Variants in RABL6 observed in about 807,000 individuals in gnomAD.
RABL6 encodes the protein RAB, member RAS oncogene family like 6, also known as rab-like protein 6.
In RABL6, 28 loss-of-function variants were observed where a neutral mutation model predicts 72.9. That is an observed-to-expected ratio of 0.38 (90% CI 0.28 to 0.53). RABL6 has a LOEUF of 0.53. Among genes scored for constraint, RABL6 ranks in the 20% least tolerant of loss-of-function variants. RABL6 has a pLI of 0.80. For missense variants in RABL6, 1,029 were observed against 1,008.4 expected, an observed-to-expected ratio of 1.02 and a Z score of -0.28; for synonymous variants, 477 against 421.2, an observed-to-expected ratio of 1.13 and a Z score of -1.62.
chr9:136,808,289 G>C lies in RABL6; in HGVS notation c.93G>C (p.Ala31=). The C allele has an allele frequency of 6.4e-7, 1 of 1,561,590 alleles. No homozygotes were observed. Among genetic ancestry groups the C allele is most frequent in the Non-Finnish European group, 8.7e-7 (1 of 1,155,606 alleles). ...IPAGLQSMNQ[A]LQRRFAKGVQ... The stretch of plus-strand genomic sequence containing the variant: ...CCGGGCTGCAGTCCATGAACCAGGC[G>C]TTGCAGAGGCGCTTCGCCAAGGGGG... The change falls in exon 1 of 15, where the codon GCG becomes GCC. Residue 31 remains alanine (A), a synonymous_variant. Coordinates refer to ENST00000311502, the MANE Select transcript of RABL6 (RefSeq NM_024718.5).
intron 1 of RABL6, chr9:136,814,053 CA>C: frequency 2.6e-6 from 1 of 389,474 alleles, no homozygotes. Context: ...CAAAGTCTTT[CA>C]AACCAGCGAG....
At position 136,838,132 on chromosome 9, in the gene RABL6, G is replaced by A; in HGVS notation, c.1280+117G>A. ...AGGGGCCCCCCGCCGGCTGGTCACT[G>A]TTGGCTGAGGACAGAGCAGCTCTGT... On this transcript the variant is annotated intron_variant, in intron 10 of 14. Transcript: ENST00000311502. 3.1e-6 allele frequency: 4 copies of A among 1,277,628 alleles called. No homozygotes were observed. In the South Asian group the frequency reaches 5.7e-5, roughly 18 times the overall value. The allele number at this position is 1,277,628 out of a possible 1,614,324, so 79.1% of individuals were successfully genotyped here.
intron 1 of RABL6, among the ~76,000 whole-genome samples, chr9:136,820,957 A>C (rs1318594293): frequency 6.6e-6 from 1 of 152,218 alleles, no homozygotes; most frequent in Non-Finnish European, 1.5e-5. Context: ...CAAGCCGTGG[A>C]GAGGCCTGCA....
chr9:136,838,089 G>T, intron 10 of RABL6, 74 bp downstream of exon 10: 1 of 1,521,642 alleles, frequency 6.6e-7, no homozygotes, highest in South Asian at 1.2e-5. Context: ...GGTGGGGCTG[G>T]CTTTCTAGGG....
intron 4 of RABL6, 103 bp downstream of exon 4, chr9:136,828,649 T>C (rs891918416): frequency 8.6e-6 from 11 of 1,282,736 alleles, no homozygotes; most frequent in African/African-American, 4.5e-5. Flanking sequence ...ACCCCAGTTA[T>C]GCTGTGGCCA....
chr9:136,830,513 G>C (rs1848450220), intron 5 of RABL6, among the ~76,000 whole-genome samples: 1 of 152,278 alleles, frequency 6.6e-6, no homozygotes, highest in Non-Finnish European at 1.5e-5. Flanking sequence ...CAGGGCACGA[G>C]TTCAGCTCGG....
At position 136,840,610 on chromosome 9, in the gene RABL6, G is replaced by A. The variant is rs560713015; in HGVS notation, c.*88G>A. On this transcript the variant is annotated 3_prime_UTR_variant, in exon 15 of 15. Transcript: ENST00000311502. ...TTGCCTCTGTACCATCGCCTTTGCCGCTGCCCCGTGGCTGCCGTGTGCGCT... is the reference window on the plus strand; with the variant it reads ...TTGCCTCTGTACCATCGCCTTTGCCACTGCCCCGTGGCTGCCGTGTGCGCT... The A allele has an allele frequency of 3.4e-5, 53 of 1,549,584 alleles. No individual in the cohort carries two copies. The highest frequency in any genetic ancestry group is 3.2e-4 in the East Asian group (13 of 40,880).
chr9:136,824,978 G>A (rs1043107709), intron 2 of RABL6, among the ~76,000 whole-genome samples: 4 of 152,172 alleles, frequency 2.6e-5, no homozygotes, highest in African/African-American at 4.8e-5. Context: ...TGAGGGCCCC[G>A]GGCGTGCCTC....
At chr9:136,834,226 T>G (rs962280738) in intron 7 of RABL6, 77 of 1,196,484 alleles carry the variant, frequency 6.4e-5, no homozygotes, top group Middle Eastern at 6.5e-4. Context: ...AATCAGTTGT[T>G]TTTTTAACCT....
chr9:136,837,525 C>A lies in RABL6; in HGVS notation c.989C>A (p.Pro330Gln). The A allele has an allele frequency of 6.5e-7, 1 of 1,545,426 alleles. No homozygotes were observed. The highest frequency in any genetic ancestry group is 8.7e-7 in the Non-Finnish European group (1 of 1,148,702). The change falls in exon 9 of 15, where the codon CCA (proline) becomes CAA (glutamine). Residue 330 changes from proline to glutamine, a missense_variant. By Grantham distance (76) the Pro-to-Gln change is moderately conservative. Around this residue, in one of 2 missense-constraint regions of RABL6, gnomAD observed 434 missense variants for 536.1 expected, o/e 0.81. Coordinates refer to ENST00000311502, the MANE Select transcript of RABL6 (RefSeq NM_024718.5). ...CAGCTGCCCCTCAATGCCGCCCCAC[C>A]ATCCTCTGTGCCCCCTGTACCACCC... ...APQLPLNAAP[P>Q]SSVPPVPPSE...
chr9:136,831,765 A>G lies in RABL6; in HGVS notation c.503A>G (p.His168Arg). Reference sequence around the variant, plus strand: ...CGGGAGCTTCCAAAAGTGCCCACCCACGTGCCAGTGTGCGTGCTGGGAAAC... The same window carrying G: ...CGGGAGCTTCCAAAAGTGCCCACCCGCGTGCCAGTGTGCGTGCTGGGAAAC... ...ILRELPKVPT[H>R]VPVCVLGNYR... The change falls in exon 6 of 15, where the codon CAC becomes CGC. Residue 168 changes from histidine (H) to arginine (R), a missense_variant. His to Arg is a conservative substitution (Grantham distance 29). Around this residue, in one of 2 missense-constraint regions of RABL6, gnomAD observed 434 missense variants for 536.1 expected, o/e 0.81. Transcript: ENST00000311502. 6.2e-7 allele frequency: 1 copy of G among 1,613,458 alleles called. No homozygotes were observed. The highest frequency in any genetic ancestry group is 8.5e-7 in the Non-Finnish European group (1 of 1,179,844).
At chr9:136,820,671 A>G (rs1369934280) in intron 1 of RABL6, among the ~76,000 whole-genome samples, 1 of 152,160 alleles carries the variant, frequency 6.6e-6, no homozygotes, top group Non-Finnish European at 1.5e-5. Flanking sequence ...GTGCCCGGCC[A>G]ATAATAATTT....
chr9:136,839,886 G>A (rs369035807), intron 13 of RABL6, 21 bp downstream of exon 13: 195 of 1,605,960 alleles, frequency 1.2e-4, no homozygotes, highest in Non-Finnish European at 1.6e-4. Flanking sequence ...GCACCAGAGT[G>A]CGGTCAGCCT....
intron 7 of RABL6, 42 bp downstream of exon 7, chr9:136,832,412 C>T (rs1467200330): frequency 6.8e-7 from 1 of 1,466,698 alleles, no homozygotes. Flanking sequence ...GCTGGTCTCT[C>T]ACCTCCTTCC....
chr9:136,825,495 C>T (rs1397144476), intron 2 of RABL6, among the ~76,000 whole-genome samples: 2 of 148,896 alleles, frequency 1.3e-5, no homozygotes, highest in Non-Finnish European at 1.5e-5. Context: ...AGGGAGGGGC[C>T]GTGCCCAGGA....
At position 136,825,397 on chromosome 9, in the gene RABL6, G is replaced by A. The variant is rs146243417; in HGVS notation, c.266-382G>A. Among the ~76,000 whole-genome samples the A allele has an allele frequency of 3.8e-3, 571 of 151,514 alleles. 10 individuals carry two copies. The highest frequency in any genetic ancestry group is 0.013 in the African/African-American group (536 of 41,192). ...CAGTATGCTGAGGCCAGGAGGGGCC[G>A]TGCCCAGGATCGGGGCCCGGGAGGG... is the stretch of plus-strand genomic sequence containing the variant. On this transcript the variant is annotated intron_variant, in intron 2 of 14. Coordinates refer to ENST00000311502, the MANE Select transcript of RABL6 (RefSeq NM_024718.5).
At chr9:136,835,616 G>A (rs938502123) in intron 7 of RABL6, 126 bp from the exon 8 acceptor site, 11 of 789,478 alleles carry the variant, frequency 1.4e-5, no homozygotes, top group Non-Finnish European at 2.2e-5. Context: ...TTGCTGAGCA[G>A]CCAGCCCTGC....
Position 136,839,002 on chromosome 9 carries a change from T to C in RABL6, c.1374T>C (p.Pro458=). 1.2e-6 allele frequency: 2 copies of C among 1,612,208 alleles called. No homozygotes were observed. Among genetic ancestry groups the C allele is most frequent in the South Asian group, 2.2e-5 (2 of 91,018 alleles). The part of the protein sequence containing the change: ...EDQPRGSPPL[P]AGPVPSQDIT... ...AGCCACGTGGGAGTCCCCCGCTGCC[T>C]GCAGGCCCCGTCCCCAGTCAAGACA... The change falls in exon 11 of 15, where the codon CCT becomes CCC. Residue 458 remains proline, a synonymous_variant. Transcript: ENST00000311502.
Position 136,840,526 on chromosome 9 carries a change from G to T in RABL6, c.*4G>T, listed in dbSNP as rs567996698. On this transcript the variant is annotated 3_prime_UTR_variant, in exon 15 of 15. Transcript: ENST00000311502. ...TGGCGACTACGAGGAGCTCTAGGCC[G>T]GCGTGGGCAGTGGCCGCCCTGGGGC... 4.6e-6 allele frequency: 7 copies of T among 1,535,668 alleles called. No homozygotes were observed. The highest frequency in any genetic ancestry group is 2.0e-5 in the Admixed American group (1 of 50,184).
Sources: allele counts gnomAD v4.1 joint callset (sites outside exome capture counted in the v4.1 genomes callset), GRCh38; gene constraint gnomAD v4.1.1; regional missense constraint gnomAD v4.1.1; transcripts MANE v1.5; gene names NCBI Gene and HGNC (gene_info 2026-07-23, HGNC 2026-07-21).